The following TMCC2 variants were observed in gnomAD, a reference collection of about 807,000 sequenced individuals.
The protein encoded by TMCC2 is transmembrane and coiled-coil domains protein 2.
TMCC2 carries 16 observed loss-of-function variants against 49.4 expected under a neutral mutation model. The ratio of observed to expected loss-of-function variants is 0.32; its 90% confidence interval spans 0.22 to 0.49. TMCC2 has a LOEUF of 0.49. Among genes scored for constraint, TMCC2 ranks in the 20% least tolerant of loss-of-function variants. The pLI is 0.99. For missense variants in TMCC2, 762 were observed against 989.8 expected, an observed-to-expected ratio of 0.77 and a Z score of 3.09; for synonymous variants, 397 against 434.1, an observed-to-expected ratio of 0.91 and a Z score of 1.06.
At chr1:205,257,402 C>T in intron 2 of TMCC2, 2 of 1,232,228 alleles carry the variant, frequency 1.6e-6, no homozygotes, top group Non-Finnish European at 2.0e-6. Flanking sequence ...GAGAATTTCA[C>T]CGGGCGGGGT....
At chr1:205,231,922 A>G (rs1281966102) in intron 1 of TMCC2, among the ~76,000 whole-genome samples, 1 of 152,236 alleles carries the variant, frequency 6.6e-6, no homozygotes, top group African/African-American at 2.4e-5. Context: ...GGAAGAAATC[A>G]TCTTGAGAAA....
At position 205,271,808 on chromosome 1, in the gene TMCC2, T is replaced by G. The variant is rs752409395; in HGVS notation, c.1819-5T>G. Reference sequence around the variant, plus strand: ...GCACACATGCCAGCCCCTCTGCCCCTGCAGGAGGCCGTGGAGTCCTGCCTG... The same window carrying G: ...GCACACATGCCAGCCCCTCTGCCCCGGCAGGAGGCCGTGGAGTCCTGCCTG... On this transcript the variant is annotated splice_region_variant and splice_polypyrimidine_tract_variant and intron_variant, in intron 4 of 4. Coordinates refer to ENST00000358024, the MANE Select transcript of TMCC2 (RefSeq NM_014858.4). 6.2e-7 allele frequency: 1 copy of G among 1,607,708 alleles called. No homozygotes were observed. The highest frequency in any genetic ancestry group is 8.5e-7 in the Non-Finnish European group (1 of 1,178,990).
chr1:205,252,033 A>C (rs113931705), intron 2 of TMCC2, among the ~76,000 whole-genome samples: 3,806 of 152,280 alleles, frequency 0.025, 74 homozygotes, highest in East Asian at 0.078. Context: ...TCTCCGGGTC[A>C]CTTTCTCTTG....
rs569601566 is a variant in TMCC2 at position 205,241,113 on chromosome 1, A to C, written c.208-392A>C. On this transcript the variant is annotated intron_variant, in intron 1 of 4. Coordinates refer to ENST00000358024, the MANE Select transcript of TMCC2 (RefSeq NM_014858.4). This position sits in a 1 kb window ranked among gnomAD's most constrained non-coding sequence, Gnocchi z 7.3. Reference sequence around the variant, plus strand: ...ACTAGTACAGCTTGAAGGGTCGTCTAACTTGGAAGGAGGGAAGGACTGGGG... The same window carrying C: ...ACTAGTACAGCTTGAAGGGTCGTCTCACTTGGAAGGAGGGAAGGACTGGGG... Among the ~76,000 whole-genome samples the C allele has an allele frequency of 3.9e-5, 6 of 152,262 alleles. No individual in the cohort carries two copies. Among genetic ancestry groups the C allele is most frequent in the African/African-American group, 1.4e-4 (6 of 41,542 alleles).
intron 2 of TMCC2, among the ~76,000 whole-genome samples, chr1:205,260,869 C>A (rs1385985628): frequency 6.6e-6 from 1 of 152,176 alleles, no homozygotes; most frequent in African/African-American, 2.4e-5. Flanking sequence ...TTGTTTCTTT[C>A]ATGGCCGAAT....
At chr1:205,232,382 A>G (rs1227296290) in intron 1 of TMCC2, among the ~76,000 whole-genome samples, 1 of 152,158 alleles carries the variant, frequency 6.6e-6, no homozygotes, top group Non-Finnish European at 1.5e-5. Context: ...TTCTTCAGCC[A>G]CTTGCAGCTT....
At chr1:205,236,098 T>A (rs1333812559) in intron 1 of TMCC2, among the ~76,000 whole-genome samples, 1 of 151,984 alleles carries the variant, frequency 6.6e-6, no homozygotes, top group Non-Finnish European at 1.5e-5. Flanking sequence ...GAACAGTTAT[T>A]TTTAAACCAA....
At chr1:205,239,494 G>T (rs1002699696) in intron 1 of TMCC2, among the ~76,000 whole-genome samples, 1 of 152,214 alleles carries the variant, frequency 6.6e-6, no homozygotes, top group Non-Finnish European at 1.5e-5. Context: ...AGCTGGCATT[G>T]TGTAACTTAA....
Position 205,268,957 on chromosome 1 carries a change from A to C in TMCC2, c.755A>C (p.Lys252Thr). 6.2e-7 allele frequency: 1 copy of C among 1,612,344 alleles called. No individual in the cohort carries two copies. The highest frequency in any genetic ancestry group is 8.5e-7 in the Non-Finnish European group (1 of 1,179,456). Residue 252 changes from lysine (K) to threonine (T), a missense_variant, in exon 3 of 5, where the codon AAG becomes ACG. By Grantham distance (78) the Lys-to-Thr change is moderately conservative. Transcript: ENST00000358024. ...GCCTGCCTCTTTCCCCAGGTCGATAAGGGAGACCTGGTGGCCCTGAGCCTC... is the reference window on the plus strand; with the variant it reads ...GCCTGCCTCTTTCCCCAGGTCGATACGGGAGACCTGGTGGCCCTGAGCCTC... ...EAEGIGDKVD[K>T]GDLVALSLPA...
intron 2 of TMCC2, among the ~76,000 whole-genome samples, chr1:205,247,426 G>C (rs1192782042): frequency 6.6e-6 from 1 of 152,156 alleles, no homozygotes; most frequent in Non-Finnish European, 1.5e-5. Flanking sequence ...TTTATCTCTT[G>C]GTTGCCATTT....
chr1:205,241,390 T>A lies in TMCC2; in HGVS notation c.208-115T>A. The A allele has an allele frequency of 2.6e-6, 3 of 1,163,062 alleles. No homozygotes were observed. In the East Asian group the frequency reaches 7.6e-5, roughly 30 times the overall value. 72.0% of individuals were successfully genotyped at this position (1,163,062 alleles called of 1,614,324 possible). ...TCCACAGAGATCTTCCAGGTTCAGA[T>A]GGCTGCATTAGCTATGCCAGTCTAC... On this transcript the variant is annotated intron_variant, in intron 1 of 4. Transcript: ENST00000358024. The surrounding 1 kb of genome is among the most constrained non-coding windows in gnomAD (Gnocchi z 7.3).
At chr1:205,240,791 G>A (rs1251577002) in intron 1 of TMCC2, among the ~76,000 whole-genome samples, 1 of 152,162 alleles carries the variant, frequency 6.6e-6, no homozygotes, top group East Asian at 1.9e-4. Flanking sequence ...TTTGGGAAGG[G>A]CCAGTGCCTT....
intron 2 of TMCC2, among the ~76,000 whole-genome samples, chr1:205,265,047 C>T (rs370186987): frequency 5.9e-5 from 9 of 152,288 alleles, no homozygotes; most frequent in East Asian, 1.9e-4. Context: ...GAGACTGACC[C>T]GCTCAATCCA....
At position 205,240,848 on chromosome 1, in the gene TMCC2, G is replaced by C. The variant is rs191058043; in HGVS notation, c.208-657G>C. Among the ~76,000 whole-genome samples the C allele has an allele frequency of 2.5e-4, 38 of 152,300 alleles. No homozygotes were observed. In the South Asian group the frequency reaches 6.6e-3, roughly 27 times the overall value. On this transcript the variant is annotated intron_variant, in intron 1 of 4. Transcript: ENST00000358024. ...CCCAGAAGCTCTCACCTTGCTTTTC[G>C]TTGGCCCAAACTGTGTCATGTGGCT... is the stretch of plus-strand genomic sequence containing the variant.
chr1:205,261,442 A>G (rs924480566), intron 2 of TMCC2, among the ~76,000 whole-genome samples: 4 of 151,694 alleles, frequency 2.6e-5, no homozygotes, highest in African/African-American at 7.3e-5. Context: ...GACTCAAGCA[A>G]TTTTCCCATT....
At chr1:205,256,058 T>A in intron 2 of TMCC2, 1 of 496,948 alleles carries the variant, frequency 2.0e-6, no homozygotes, top group Non-Finnish European at 3.5e-6. Flanking sequence ...ATCTCAGTGA[T>A]TTTGGCCTGC....
In TMCC2 at chr1:205,269,347, A is replaced by G. The variant is rs760819500; in HGVS notation, c.1145A>G (p.Gln382Arg). 1 of 1,612,796 alleles carries G rather than the reference A, an allele frequency of 6.2e-7. No homozygotes were observed. Among genetic ancestry groups the G allele is most frequent in the Non-Finnish European group, 8.5e-7 (1 of 1,179,606 alleles). The change falls in exon 3 of 5, where the codon CAG becomes CGG. Residue 382 changes from glutamine to arginine, a missense_variant. This residue lies in a region of TMCC2 where 440 missense variants were observed against 636.7 expected (regional missense o/e 0.69). Coordinates refer to ENST00000358024, the MANE Select transcript of TMCC2 (RefSeq NM_014858.4). The stretch of plus-strand genomic sequence containing the variant: ...AAGGACGTGCTGCGGGACATGCAGC[A>G]GGGGCTGAAGGACGTGGGCGCCAAC... ...QPKDVLRDMQQGLKDVGANVR... is the reference protein window; with the variant it reads ...QPKDVLRDMQRGLKDVGANVR...
At chr1:205,229,783 T>A in intron 1 of TMCC2, 1 of 985,436 alleles carries the variant, frequency 1.0e-6, no homozygotes, top group Non-Finnish European at 1.2e-6. Flanking sequence ...CACATGGAGC[T>A]GTTTATTTTC....
At chr1:205,229,496 C>A in intron 1 of TMCC2, 1 of 423,956 alleles carries the variant, frequency 2.4e-6, no homozygotes, top group Non-Finnish European at 3.0e-6. Context: ...CCATTGGGAT[C>A]TTTGAGCGCT....
Sources: gnomAD v4.1 joint callset for allele counts (sites outside exome capture counted in the v4.1 genomes callset) on GRCh38, gnomAD v4.1.1 for gene constraint, gnomAD v4.1.1 regional missense constraint, Gnocchi (gnomAD v3.1) non-coding constraint, MANE v1.5 for transcripts, NCBI Gene and HGNC (gene_info 2026-07-23, HGNC 2026-07-21) for gene names.